GRIK1: variants seen among roughly 807,000 people sequenced by gnomAD.
GRIK1 encodes the protein glutamate ionotropic receptor kainate type subunit 1.
A neutral mutation model predicts 105.7 loss-of-function variants in GRIK1; 69 were observed. The ratio of observed to expected loss-of-function variants is 0.65; its 90% CI spans 0.54 to 0.80. GRIK1 has a LOEUF of 0.80. Ranked by LOEUF, GRIK1 falls within the 30% of genes least tolerant of loss-of-function variation. GRIK1 has a pLI of 0.00. For missense variants in GRIK1, 1,109 were observed against 1,167.3 expected (o/e 0.95, Z 0.73); for synonymous variants, 438 against 431.3 (o/e 1.02, Z -0.19).
At chr21:29,768,404 A>G (rs1376026107) in intron 1 of GRIK1, among the ~76,000 whole-genome samples, 2 of 152,170 alleles carry the variant, frequency 1.3e-5, no homozygotes, top group African/African-American at 4.8e-5. Flanking sequence ...ACAGGAGAGT[A>G]AAATAGAAAA....
intron 13 of GRIK1, among the ~76,000 whole-genome samples, chr21:29,580,159 A>G: frequency 7.1e-6 from 1 of 141,418 alleles, no homozygotes; most frequent in South Asian, 2.2e-4. Context: ...ATATACACAT[A>G]CATATATATA....
At chr21:29,708,355 A>T (rs2063966214) in intron 1 of GRIK1, among the ~76,000 whole-genome samples, 1 of 152,218 alleles carries the variant, frequency 6.6e-6, no homozygotes, top group Non-Finnish European at 1.5e-5. Context: ...ATGATATAAA[A>T]TGGTCAGTAT....
At chr21:29,614,267 C>T (rs1250896353) in intron 7 of GRIK1, among the ~76,000 whole-genome samples, 1 of 152,148 alleles carries the variant, frequency 6.6e-6, no homozygotes, top group African/African-American at 2.4e-5. Flanking sequence ...GGCATTTACG[C>T]TGATCTCTGT....
chr21:29,568,676 G>A (rs1293416030), intron 14 of GRIK1, among the ~76,000 whole-genome samples: 1 of 152,192 alleles, frequency 6.6e-6, no homozygotes, highest in East Asian at 1.9e-4. Context: ...TTTCTTACAT[G>A]AATACTTCAT....
chr21:29,803,409 A>G (rs1054530683), intron 1 of GRIK1, among the ~76,000 whole-genome samples: 7 of 152,194 alleles, frequency 4.6e-5, no homozygotes, highest in African/African-American at 1.7e-4. Context: ...ACATGTCACC[A>G]TTACATTCTT....
intron 1 of GRIK1, among the ~76,000 whole-genome samples, chr21:29,787,659 A>G (rs902835281): frequency 6.6e-6 from 1 of 152,190 alleles, no homozygotes; most frequent in African/African-American, 2.4e-5. Flanking sequence ...TGGATTTTCC[A>G]ACGAACAGTA....
intron 1 of GRIK1, among the ~76,000 whole-genome samples, chr21:29,817,463 C>A (rs372081911): frequency 6.6e-6 from 1 of 152,066 alleles, no homozygotes; most frequent in Non-Finnish European, 1.5e-5. Flanking sequence ...CCATTCACTG[C>A]CTTGCAAGAG....
At chr21:29,678,007 T>C (rs766579681) in intron 3 of GRIK1, among the ~76,000 whole-genome samples, 1 of 152,188 alleles carries the variant, frequency 6.6e-6, no homozygotes, top group Admixed American at 6.5e-5. Context: ...GAAAAGTACC[T>C]AGGTTTTCTT....
At chr21:29,579,963 G>GTATA (rs1386008921) in intron 13 of GRIK1, among the ~76,000 whole-genome samples, 22 of 122,890 alleles carry the variant, frequency 1.8e-4, no homozygotes, top group East Asian at 6.2e-4. Flanking sequence ...ATATGTGTGT[G>GTATA]TGTATATATA....
intron 15 of GRIK1, among the ~76,000 whole-genome samples, chr21:29,560,511 C>T (rs112824441): frequency 0.52 from 20,701 of 39,660 alleles, 6,154 homozygotes; most frequent in East Asian, 0.64. Flanking sequence ...TTCCTTCCTT[C>T]CTTCCTTCCT....
At chr21:29,935,087 G>A (rs2071702545) in intron 1 of GRIK1, among the ~76,000 whole-genome samples, 1 of 152,020 alleles carries the variant, frequency 6.6e-6, no homozygotes, top group Admixed American at 6.5e-5. Context: ...CTAAACACAG[G>A]CAACTCTCCT....
chr21:29,824,459 A>G lies in GRIK1; in HGVS notation c.118+114924T>C, dbSNP rs561099789. ...AAAAGTTAAACATATAAAAAAAGTCAGATGGTGATAAGGACGAAAAGAAGG... is the reference window on the plus strand; with the variant it reads ...AAAAGTTAAACATATAAAAAAAGTCGGATGGTGATAAGGACGAAAAGAAGG... On this transcript the variant is annotated intron_variant, in intron 1 of 17. Coordinates refer to ENST00000327783, the MANE Select transcript of GRIK1 (RefSeq NM_001330994.2). Among the ~76,000 whole-genome samples the G allele has an allele frequency of 5.3e-5, 8 of 152,186 alleles. No individual in the cohort carries two copies. In the South Asian group the frequency reaches 1.4e-3, roughly 28 times the overall value.
chr21:29,634,769 T>C (rs1346198688), intron 7 of GRIK1, among the ~76,000 whole-genome samples: 2 of 151,624 alleles, frequency 1.3e-5, no homozygotes, highest in African/African-American at 4.8e-5. Context: ...AAATGGGAGG[T>C]AGGGCTTTGC....
chr21:29,675,636 C>T (rs1011974036), intron 3 of GRIK1, among the ~76,000 whole-genome samples: 2 of 151,958 alleles, frequency 1.3e-5, no homozygotes, highest in African/African-American at 2.4e-5. Flanking sequence ...CATGCTAAGC[C>T]CTGGGGATGC....
chr21:29,554,246 T>TA (rs2090192529), intron 16 of GRIK1, among the ~76,000 whole-genome samples: 1 of 152,216 alleles, frequency 6.6e-6, no homozygotes, highest in Non-Finnish European at 1.5e-5. Flanking sequence ...CTTAAAATTC[T>TA]AACAATATTT....
intron 7 of GRIK1, among the ~76,000 whole-genome samples, chr21:29,602,469 A>G (rs1391540493): frequency 6.6e-6 from 1 of 152,222 alleles, no homozygotes; most frequent in African/African-American, 2.4e-5. Context: ...GTAGGAACAA[A>G]CACATTAACG....
chr21:29,560,354 T>TCTTC lies in GRIK1; in HGVS notation c.2356+1269_2356+1270insGAAG, dbSNP rs1568813320. Among the ~76,000 whole-genome samples the TCTTC allele has an allele frequency of 7.7e-5, 8 of 103,364 alleles. 1 individual carries two copies. The East Asian group carries it at 1.9e-3, about 24-fold the overall frequency. 67.8% of individuals were successfully genotyped at this position (103,364 alleles called of 152,430 possible). A position where few individuals can be genotyped will look rare whatever the true frequency, so the allele number is the denominator to read the frequency against. Reference sequence around the variant, plus strand: ...TTCTTTCTTTCTTTCTTTCTTTCTTTCTTTTTCTTTCTTCCTTCCTTCCTT... The same window carrying TCTTC: ...TTCTTTCTTTCTTTCTTTCTTTCTTTCTTCCTTTTTCTTTCTTCCTTCCTTCCTT... On this transcript the variant is annotated intron_variant, in intron 15 of 17. Transcript: ENST00000327783.
chr21:29,695,561 G>A (rs900752126), intron 1 of GRIK1, among the ~76,000 whole-genome samples: 3 of 151,830 alleles, frequency 2.0e-5, no homozygotes, highest in Admixed American at 6.6e-5. Flanking sequence ...TGCAACCTCC[G>A]CCTCCCAGGT....
Position 29,564,301 on chromosome 21 carries a change from C to T in GRIK1, c.2131-2452G>A, listed in dbSNP as rs1404002494. Among the ~76,000 whole-genome samples the T allele has an allele frequency of 7.9e-5, 12 of 152,010 alleles. 1 individual carries two copies. The highest frequency in any genetic ancestry group is 1.8e-4 in the Non-Finnish European group (12 of 67,978). On this transcript the variant is annotated intron_variant, in intron 14 of 17. Transcript: ENST00000327783. ...TAGCTGGGACTACAGGCGCCCGCCACTACACCCGGCTAATTTTTTGTATTT... is the reference window on the plus strand; with the variant it reads ...TAGCTGGGACTACAGGCGCCCGCCATTACACCCGGCTAATTTTTTGTATTT...
Sources: gnomAD v4.1 joint callset for allele counts (sites outside exome capture counted in the v4.1 genomes callset) on GRCh38, gnomAD v4.1.1 for gene constraint, MANE v1.5 for transcripts, NCBI Gene and HGNC (gene_info 2026-07-23, HGNC 2026-07-21) for gene names.